PTPRO: variants seen among roughly 807,000 people sequenced by gnomAD.
PTPRO encodes the protein protein tyrosine phosphatase receptor type O.
Under a neutral mutation model 145.2 loss-of-function variants are expected in PTPRO, and 62 were observed. The observed-to-expected ratio is 0.43, with a 90% CI of 0.35 to 0.53. The LOEUF (loss-of-function observed/expected upper bound fraction) is 0.53, where lower values mean the gene tolerates loss of function less well. PTPRO is among the 20% of genes least tolerant of loss of function. The pLI, the probability that PTPRO is intolerant of heterozygous loss-of-function variation, is 0.01. For synonymous variants in PTPRO, 565 were observed against 514.7 expected (o/e 1.10, Z -1.32); for missense variants, 1,345 against 1,482.7 (o/e 0.91, Z 1.53).
chr12:15,530,899 A>C (rs1942948696), intron 12 of PTPRO, among the ~76,000 whole-genome samples: 1 of 152,126 alleles, frequency 6.6e-6, no homozygotes, highest in African/African-American at 2.4e-5. Context: ...AATGAAATTG[A>C]GACTAAAAAT....
chr12:15,563,025 T>A (rs1943813616), intron 17 of PTPRO, among the ~76,000 whole-genome samples: 1 of 152,180 alleles, frequency 6.6e-6, no homozygotes, highest in Admixed American at 6.5e-5. Flanking sequence ...TTAACTATTA[T>A]AAATCTCATG....
At chr12:15,330,049 G>C (rs1335247543) in intron 1 of PTPRO, among the ~76,000 whole-genome samples, 1 of 152,194 alleles carries the variant, frequency 6.6e-6, no homozygotes, top group African/African-American at 2.4e-5. Flanking sequence ...TCTACATGCT[G>C]AGCCAGAAAG....
intron 1 of PTPRO, chr12:15,440,142 C>G: frequency 1.5e-6 from 1 of 653,588 alleles, no homozygotes; most frequent in Non-Finnish European, 2.8e-6. Context: ...ATCATCTCAG[C>G]CCCTGTGCCC....
intron 7 of PTPRO, among the ~76,000 whole-genome samples, chr12:15,513,201 GAAAGAAAGAAAGAAAGAAAGAAAGA>G (rs1942499083): frequency 9.5e-6 from 1 of 105,104 alleles, no homozygotes; most frequent in Non-Finnish European, 1.8e-5. Context: ...AAGAAAGAAA[GAAAGAAAGAAAGAAAGAAAGAAAGA>G]AAAGAAAGAA....
At chr12:15,526,311 A>G (rs375417084) in intron 12 of PTPRO, 49 bp downstream of exon 12, 30 of 1,607,594 alleles carry the variant, frequency 1.9e-5, no homozygotes, top group African/African-American at 2.7e-5. Context: ...TAATGTTTGC[A>G]TCATTCGATT....
intron 7 of PTPRO, among the ~76,000 whole-genome samples, chr12:15,513,673 T>C (rs1188117472): frequency 6.6e-6 from 1 of 152,208 alleles, no homozygotes; most frequent in Non-Finnish European, 1.5e-5. Flanking sequence ...ACAGCATAGA[T>C]AAGCTGTAAA....
At chr12:15,351,841 T>C (rs964985314) in intron 1 of PTPRO, among the ~76,000 whole-genome samples, 39 of 152,290 alleles carry the variant, frequency 2.6e-4, no homozygotes, top group African/African-American at 7.9e-4. Context: ...CCAAAATGTA[T>C]TTTTTTATTG....
intron 6 of PTPRO, 86 bp from the exon 7 acceptor site, chr12:15,508,485 A>G: frequency 1.4e-6 from 2 of 1,391,330 alleles, no homozygotes; most frequent in Non-Finnish European, 2.0e-6. Context: ...AAGGGCAAAA[A>G]GAAAACATGA....
Position 15,551,427 on chromosome 12 carries a change from T to C in PTPRO, c.2438-124T>C, listed in dbSNP as rs900534990. 17 of 1,250,080 alleles carry C rather than the reference T, an allele frequency of 1.4e-5. No homozygotes were observed. The Admixed American group carries it at 2.0e-4, about 15-fold the overall frequency. 77.4% of individuals were successfully genotyped at this position (1,250,080 alleles called of 1,614,324 possible). A position where few individuals can be genotyped will look rare whatever the true frequency, so the allele number is the denominator to read the frequency against. ...GTCATTGCTGGCTTGGGGAACATGA[T>C]TGTTACTATTATTGGTATCATCGTA... is the stretch of plus-strand genomic sequence containing the variant. On this transcript the variant is annotated intron_variant, in intron 14 of 26. Transcript: ENST00000281171.
intron 1 of PTPRO, among the ~76,000 whole-genome samples, chr12:15,447,567 A>C (rs1940932041): frequency 6.6e-6 from 1 of 152,150 alleles, no homozygotes; most frequent in Admixed American, 6.5e-5. Context: ...AAGAAAACCA[A>C]TCCACAATGT....
At chr12:15,507,541 T>A (rs1942348526) in intron 6 of PTPRO, among the ~76,000 whole-genome samples, 3 of 152,216 alleles carry the variant, frequency 2.0e-5, no homozygotes, top group Non-Finnish European at 4.4e-5. Context: ...TATGTGAGCA[T>A]CCGTGTTTTA....
At chr12:15,447,817 T>A (rs767544836) in intron 1 of PTPRO, among the ~76,000 whole-genome samples, 2 of 152,162 alleles carry the variant, frequency 1.3e-5, no homozygotes, top group African/African-American at 2.4e-5. Flanking sequence ...AACTAATGGT[T>A]TCATTCTCTG....
At chr12:15,506,586 G>T (rs1387605124) in intron 6 of PTPRO, among the ~76,000 whole-genome samples, 2 of 152,180 alleles carry the variant, frequency 1.3e-5, no homozygotes, top group African/African-American at 4.8e-5. Flanking sequence ...AGGGTGGCAG[G>T]ACAGAGAGAG....
At chr12:15,419,246 CG>C (rs1940066210) in intron 1 of PTPRO, among the ~76,000 whole-genome samples, 1 of 122,510 alleles carries the variant, frequency 8.2e-6, no homozygotes, top group Non-Finnish European at 1.6e-5. Context: ...GCTCCAGTAA[CG>C]ATAGGAGCAT....
At chr12:15,497,546 T>C in intron 3 of PTPRO, 143 bp downstream of exon 3, 6 of 952,612 alleles carry the variant, frequency 6.3e-6, no homozygotes, top group Non-Finnish European at 9.5e-6. Context: ...AATTATTGAT[T>C]TATGAAAATC....
chr12:15,548,990 C>T (rs1943378487), intron 13 of PTPRO, 104 bp from the exon 14 acceptor site: 12 of 1,267,264 alleles, frequency 9.5e-6, no homozygotes, highest in Non-Finnish European at 1.3e-5. Context: ...TCATCTTATA[C>T]ATTTTTTACT....
chr12:15,519,397 A>G (rs1271785591), intron 9 of PTPRO, among the ~76,000 whole-genome samples: 1 of 152,068 alleles, frequency 6.6e-6, no homozygotes, highest in African/African-American at 2.4e-5. Context: ...AGTTTTTTTC[A>G]TTGTTTTTGC....
At chr12:15,484,287 G>C (rs757455758) in intron 2 of PTPRO, 40 bp downstream of exon 2, 2 of 1,609,730 alleles carry the variant, frequency 1.2e-6, no homozygotes, top group Non-Finnish European at 1.7e-6. Context: ...TCTTCTTATT[G>C]TTCCCCTGTT....
At chr12:15,414,854 G>A (rs1939901963) in intron 1 of PTPRO, among the ~76,000 whole-genome samples, 1 of 152,158 alleles carries the variant, frequency 6.6e-6, no homozygotes, top group Non-Finnish European at 1.5e-5. Context: ...ACCTAATAGA[G>A]TCTCTTAGAA....
Sources: gnomAD v4.1 joint callset for allele counts (sites outside exome capture counted in the v4.1 genomes callset) on GRCh38, gnomAD v4.1.1 for gene constraint, MANE v1.5 for transcripts, NCBI Gene and HGNC (gene_info 2026-07-23, HGNC 2026-07-21) for gene names.